Variants in TMOD3 observed in about 807,000 individuals in gnomAD.
TMOD3 encodes the protein tropomodulin-3.
TMOD3 carries 20 observed loss-of-function variants against 39.2 expected under a neutral mutation model. That is an observed-to-expected ratio of 0.51 (90% CI 0.36 to 0.74). TMOD3 has a LOEUF of 0.74. TMOD3 is among the 30% of genes least tolerant of loss of function. The pLI, the probability that TMOD3 is intolerant of heterozygous loss-of-function variation, is 0.00. For missense variants in TMOD3, 381 were observed against 412.8 expected, an observed-to-expected ratio of 0.92 and a Z score of 0.67; for synonymous variants, 143 against 145.8, an observed-to-expected ratio of 0.98 and a Z score of 0.14.
chr15:51,886,180 A>G (rs2056561737), intron 3 of TMOD3, among the ~76,000 whole-genome samples: 1 of 150,730 alleles, frequency 6.6e-6, no homozygotes, highest in African/African-American at 2.5e-5. Flanking sequence ...CTCACTTCCC[A>G]GACTGGGCAG....
chr15:51,891,043 T>C (rs538339308), intron 5 of TMOD3, among the ~76,000 whole-genome samples: 1 of 152,358 alleles, frequency 6.6e-6, no homozygotes. Flanking sequence ...TCTTTTAATG[T>C]AATCATGATG....
At chr15:51,851,232 T>G (rs2056360440) in intron 1 of TMOD3, among the ~76,000 whole-genome samples, 2 of 152,142 alleles carry the variant, frequency 1.3e-5, no homozygotes, top group Non-Finnish European at 2.9e-5. Flanking sequence ...AGTAAGGGGA[T>G]CATCACTACG....
intron 1 of TMOD3, chr15:51,861,133 A>G: frequency 2.0e-6 from 1 of 512,420 alleles, no homozygotes; most frequent in Non-Finnish European, 3.8e-6. Flanking sequence ...TAATTGATAA[A>G]GTCGTCCTTG....
In TMOD3 at chr15:51,900,169, G is replaced by C. The variant is rs751932859; in HGVS notation, c.750G>C (p.Met250Ile). ...CTAATTTCTAGGCTTTTGCAGAAAT[G>C]CTGAAAGTGAACAAAACTTTGAAGA... The part of the protein sequence containing the change: ...NDPVATAFAE[M>I]LKVNKTLKSL... The change falls in exon 8 of 10, where the codon ATG becomes ATC. Residue 250 changes from methionine to isoleucine, a missense_variant. By Grantham distance (10) the Met-to-Ile change is conservative. Coordinates refer to ENST00000308580, the MANE Select transcript of TMOD3 (RefSeq NM_014547.5). The C allele has an allele frequency of 2.5e-6, 4 of 1,614,100 alleles. No individual in the cohort carries two copies. Among genetic ancestry groups the C allele is most frequent in the Non-Finnish European group, 3.4e-6 (4 of 1,180,024 alleles).
At chr15:51,885,777 A>G (rs2056558138) in intron 3 of TMOD3, among the ~76,000 whole-genome samples, 1 of 152,232 alleles carries the variant, frequency 6.6e-6, no homozygotes, top group African/African-American at 2.4e-5. Flanking sequence ...CATCGTCATC[A>G]TGGCCCGTTC....
chr15:51,833,436 T>C (rs773997851), intron 1 of TMOD3: 2 of 152,198 alleles, frequency 1.3e-5, no homozygotes, highest in Non-Finnish European at 1.5e-5. Flanking sequence ...GTTCAAGGAG[T>C]TCTGACAATT....
intron 3 of TMOD3, among the ~76,000 whole-genome samples, chr15:51,872,048 T>C (rs184283969): frequency 2.6e-5 from 4 of 152,344 alleles, no homozygotes. Flanking sequence ...CATCTGTATG[T>C]AGCTCAGTGA....
chr15:51,901,775 G>A, intron 8 of TMOD3, 117 bp from the exon 9 acceptor site: 1 of 1,023,840 alleles, frequency 9.8e-7, no homozygotes, highest in Non-Finnish European at 1.4e-6. Flanking sequence ...TATGTTGTAG[G>A]AATTGGGAAC....
chr15:51,833,845 G>C (rs554278959), intron 1 of TMOD3, among the ~76,000 whole-genome samples: 1 of 152,286 alleles, frequency 6.6e-6, no homozygotes, highest in South Asian at 2.1e-4. Flanking sequence ...GAGTCATAGG[G>C]TATGTGTATG....
rs747640243 is a variant in TMOD3 at position 51,862,948 on chromosome 15, G to T, written c.64G>T (p.Gly22Trp). 17 of 1,614,036 alleles carry T rather than the reference G, an allele frequency of 1.1e-5. No individual in the cohort carries two copies. Among genetic ancestry groups the T allele is most frequent in the Non-Finnish European group, 1.4e-5 (16 of 1,179,948 alleles). Residue 22 changes from glycine (G) to tryptophan (W), a missense_variant, in exon 2 of 10, where the codon GGG becomes TGG. Gly to Trp is a radical substitution (Grantham distance 184). Transcript: ENST00000308580. ...YKDLDEDELL[G>W]NLSETELKQL... ...AGACCTTGATGAAGATGAGCTCCTTGGGAATCTGTCAGAAACAGAACTGAA... is the reference window on the plus strand; with the variant it reads ...AGACCTTGATGAAGATGAGCTCCTTTGGAATCTGTCAGAAACAGAACTGAA...
intron 5 of TMOD3, among the ~76,000 whole-genome samples, chr15:51,890,092 CTT>C (rs1475495646): frequency 1.3e-5 from 2 of 151,688 alleles, no homozygotes; most frequent in East Asian, 3.9e-4. Flanking sequence ...TACATAGTCT[CTT>C]ATTTTTTACA....
Position 51,889,164 on chromosome 15 carries a change from T to C in TMOD3, c.496+19T>C, listed in dbSNP as rs780216611. On this transcript the variant is annotated intron_variant, in intron 5 of 9. Transcript: ENST00000308580. ...TTTTCAAGTGAGTACTTAAAATGCTTTGTGAATTCTAATCCTTTATTAAAT... is the reference window on the plus strand; with the variant it reads ...TTTTCAAGTGAGTACTTAAAATGCTCTGTGAATTCTAATCCTTTATTAAAT... 1 of 1,470,836 alleles carries C rather than the reference T, an allele frequency of 6.8e-7. No individual in the cohort carries two copies. Among genetic ancestry groups the C allele is most frequent in the South Asian group, 1.2e-5 (1 of 86,484 alleles). 91.1% of individuals were successfully genotyped at this position (1,470,836 alleles called of 1,614,324 possible). A position where few individuals can be genotyped will look rare whatever the true frequency, so the allele number is the denominator to read the frequency against.
At chr15:51,851,343 A>G (rs374861511) in intron 1 of TMOD3, among the ~76,000 whole-genome samples, 8 of 152,346 alleles carry the variant, frequency 5.3e-5, no homozygotes, top group East Asian at 1.9e-4. Context: ...AAAATTTTTT[A>G]AGGCGTGACA....
chr15:51,870,685 C>A (rs890087433), intron 3 of TMOD3, among the ~76,000 whole-genome samples: 1 of 152,184 alleles, frequency 6.6e-6, no homozygotes, highest in Non-Finnish European at 1.5e-5. Context: ...ATCCATCACC[C>A]CAGCCCCTGT....
At chr15:51,904,450 A>G (rs371519177) in intron 9 of TMOD3, among the ~76,000 whole-genome samples, 1 of 152,134 alleles carries the variant, frequency 6.6e-6, no homozygotes, top group Non-Finnish European at 1.5e-5. Context: ...AACTCTCTCA[A>G]AGTTATAATT....
intron 5 of TMOD3, chr15:51,892,229 CT>C (rs2056597259): frequency 6.6e-6 from 1 of 152,218 alleles, no homozygotes; most frequent in African/African-American, 2.4e-5. Flanking sequence ...CCCGGTCAGT[CT>C]TTCCATGTCA....
intron 1 of TMOD3, among the ~76,000 whole-genome samples, chr15:51,837,227 C>T (rs1010179783): frequency 6.6e-6 from 1 of 152,066 alleles, no homozygotes; most frequent in Non-Finnish European, 1.5e-5. Flanking sequence ...TTTTCATTCC[C>T]TGGGTGTGGT....
chr15:51,906,057 T>TTGCTGGAAGGTAACAAG (rs2056679022), intron 9 of TMOD3, among the ~76,000 whole-genome samples: 1 of 150,898 alleles, frequency 6.6e-6, no homozygotes, highest in Non-Finnish European at 1.5e-5. Context: ...AGCTGAGGAA[T>TTGCTGGAAGGTAACAAG]TGCTGGAAGG....
rs2056725062 is a variant in TMOD3 at position 51,914,444 on chromosome 15, A to C, written c.*5634A>C. On this transcript the variant is annotated 3_prime_UTR_variant, in exon 10 of 10. Coordinates refer to ENST00000308580, the MANE Select transcript of TMOD3 (RefSeq NM_014547.5). The stretch of plus-strand genomic sequence containing the variant: ...CTGTGGAGGCTGAGGTGGGCGGATC[A>C]CTTGAGGTCAGGAGTACGAGACCAG... 1 of 152,198 alleles carries C rather than the reference A, an allele frequency of 6.6e-6. No individual in the cohort carries two copies. The allele number at this position is 152,198 out of a possible 1,614,324, so 9.4% of individuals were successfully genotyped here.
Sources: gnomAD v4.1 joint callset for allele counts (sites outside exome capture counted in the v4.1 genomes callset) on GRCh38, gnomAD v4.1.1 for gene constraint, MANE v1.5 for transcripts, NCBI Gene and HGNC (gene_info 2026-07-23, HGNC 2026-07-21) for gene names.